Variants in MAML3 observed in about 807,000 individuals in gnomAD.
MAML3 encodes mastermind-like protein 3.
In MAML3, 27 loss-of-function variants were observed where a neutral mutation model predicts 101.9. The ratio of observed to expected loss-of-function variants is 0.27; its 90% confidence interval spans 0.20 to 0.37. The LOEUF is 0.37. Among genes scored for constraint, MAML3 ranks in the 10% least tolerant of loss-of-function variants. The probability of loss-of-function intolerance (pLI) is 1.00; values close to 1 mark genes in which losing one functional copy is unlikely to be tolerated. For synonymous variants in MAML3, 501 were observed against 555.9 expected, an observed-to-expected ratio of 0.90 and a Z score of 1.39; for missense variants, 1,316 against 1,444.9, an observed-to-expected ratio of 0.91 and a Z score of 1.45.
Position 140,007,447 on chromosome 4 carries a change from T to A in MAML3, c.469-116480A>T, listed in dbSNP as rs147885538. Reference sequence around the variant, plus strand: ...AGTAGCTAAAATAATAATAAGGGAATGGAAGATGAGGCGAAAGGAGACGTT... The same window carrying A: ...AGTAGCTAAAATAATAATAAGGGAAAGGAAGATGAGGCGAAAGGAGACGTT... On this transcript the variant is annotated intron_variant, in intron 1 of 4. Transcript: ENST00000509479. Among the ~76,000 whole-genome samples the A allele has an allele frequency of 8.3e-4, 126 of 152,266 alleles. No individual in the cohort carries two copies. In the Middle Eastern group the frequency reaches 0.017, roughly 21 times the overall value.
intron 2 of MAML3, among the ~76,000 whole-genome samples, chr4:139,733,569 A>C (rs565604089): frequency 2.6e-5 from 4 of 152,180 alleles, no homozygotes; most frequent in South Asian, 4.2e-4. Flanking sequence ...AAAAAAAAAA[A>C]AAAAAACCCT....
At chr4:140,127,356 G>A (rs1463492337) in intron 1 of MAML3, among the ~76,000 whole-genome samples, 1 of 152,204 alleles carries the variant, frequency 6.6e-6, no homozygotes, top group Non-Finnish European at 1.5e-5. Context: ...TGGCTCCTAA[G>A]CGGTGCCATG....
chr4:139,796,418 T>C (rs1730511328), intron 2 of MAML3, among the ~76,000 whole-genome samples: 2 of 152,180 alleles, frequency 1.3e-5, no homozygotes, highest in African/African-American at 4.8e-5. Flanking sequence ...ATGACAGCAG[T>C]AGATTCTGAA....
intron 1 of MAML3, among the ~76,000 whole-genome samples, chr4:139,936,588 T>G (rs1046607436): frequency 4.6e-5 from 7 of 152,202 alleles, no homozygotes; most frequent in African/African-American, 1.4e-4. Context: ...TTCCACCTAC[T>G]TGGAAGGCCG....
At chr4:139,902,263 GCA>G (rs1285715593) in intron 1 of MAML3, among the ~76,000 whole-genome samples, 1 of 63,946 alleles carries the variant, frequency 1.6e-5, no homozygotes, top group East Asian at 3.8e-4. Flanking sequence ...GCACACACAC[GCA>G]CACACACACG....
intron 1 of MAML3, among the ~76,000 whole-genome samples, chr4:140,136,670 A>G (rs1370524700): frequency 6.6e-6 from 1 of 152,206 alleles, no homozygotes; most frequent in East Asian, 1.9e-4. Flanking sequence ...AAGGATCCCC[A>G]AATTGGGAGA....
intron 2 of MAML3, among the ~76,000 whole-genome samples, chr4:139,751,925 G>T (rs1042835431): frequency 6.6e-6 from 1 of 152,152 alleles, no homozygotes; most frequent in African/African-American, 2.4e-5. Flanking sequence ...TCAAAGCAGA[G>T]ACCTCCAAGG....
In MAML3 at chr4:139,725,767, C is replaced by G. The variant is rs750100990; in HGVS notation, c.2400G>C (p.Gln800His). 4 of 1,613,974 alleles carry G rather than the reference C, an allele frequency of 2.5e-6. No individual in the cohort carries two copies. In the South Asian group the frequency reaches 4.4e-5, roughly 18 times the overall value. Residue 800 changes from glutamine (Q) to histidine (H), a missense_variant, in exon 4 of 5, where the codon CAG becomes CAC. Transcript: ENST00000509479. ...QPQRNPYPVQ[Q>H]VNQFQGSPQD... ...TGGCCTCACCTTGAAACTGATTGAC[C>G]TGCTGCACTGGGTATGGATTCCGCT...
chr4:139,789,541 G>A (rs777347511), intron 2 of MAML3, among the ~76,000 whole-genome samples: 3 of 152,196 alleles, frequency 2.0e-5, no homozygotes, highest in African/African-American at 4.8e-5. Context: ...GACTAGGCAC[G>A]GGTGGATGTG....
intron 2 of MAML3, among the ~76,000 whole-genome samples, chr4:139,829,169 C>A (rs531342670): frequency 9.2e-6 from 1 of 109,122 alleles, no homozygotes; most frequent in African/African-American, 3.7e-5. Flanking sequence ...GAAGGAAGCA[C>A]GGAAGGAAGT....
chr4:140,066,892 T>A (rs980696403), intron 1 of MAML3, among the ~76,000 whole-genome samples: 1 of 152,188 alleles, frequency 6.6e-6, no homozygotes, highest in Non-Finnish European at 1.5e-5. Context: ...GAACTGCAAA[T>A]CTTTTAGTGC....
chr4:139,734,778 G>A (rs1388181787), intron 2 of MAML3, among the ~76,000 whole-genome samples: 3 of 152,270 alleles, frequency 2.0e-5, no homozygotes, highest in Non-Finnish European at 4.4e-5. Flanking sequence ...AACATGCATA[G>A]TGTTTGGGTG....
At chr4:140,045,098 T>TA in intron 1 of MAML3, among the ~76,000 whole-genome samples, 1 of 152,262 alleles carries the variant, frequency 6.6e-6, no homozygotes, top group African/African-American at 2.4e-5. Flanking sequence ...AATGTATTTT[T>TA]AAAAAACAGA....
At chr4:139,922,758 C>G (rs1290320813) in intron 1 of MAML3, among the ~76,000 whole-genome samples, 3 of 152,124 alleles carry the variant, frequency 2.0e-5, no homozygotes, top group Admixed American at 1.3e-4. Flanking sequence ...GAAATGCTAC[C>G]CACAATGCTC....
intron 2 of MAML3, among the ~76,000 whole-genome samples, chr4:139,888,868 T>C (rs1215654724): frequency 1.3e-5 from 2 of 152,220 alleles, no homozygotes; most frequent in East Asian, 1.9e-4. Context: ...AAAGCTCTCC[T>C]ATATTTGAAT....
chr4:139,915,530 C>T (rs1456339995), intron 1 of MAML3, among the ~76,000 whole-genome samples: 1 of 152,202 alleles, frequency 6.6e-6, no homozygotes, highest in Non-Finnish European at 1.5e-5. Flanking sequence ...GCTCTTAGTA[C>T]TGTTTAACCA....
intron 2 of MAML3, among the ~76,000 whole-genome samples, chr4:139,771,388 G>C (rs1487890838): frequency 6.6e-6 from 1 of 152,132 alleles, no homozygotes; most frequent in Non-Finnish European, 1.5e-5. Context: ...CACCTTAAAT[G>C]ACTCAATGCA....
chr4:139,776,149 A>G (rs1161628551), intron 2 of MAML3, among the ~76,000 whole-genome samples: 4 of 152,204 alleles, frequency 2.6e-5, no homozygotes, highest in Non-Finnish European at 5.9e-5. Flanking sequence ...AAAAATGATT[A>G]TTTTGTAAAT....
intron 2 of MAML3, among the ~76,000 whole-genome samples, chr4:139,762,938 A>C (rs1156500759): frequency 6.6e-6 from 1 of 152,076 alleles, no homozygotes; most frequent in Non-Finnish European, 1.5e-5. Context: ...CTATGTGCCA[A>C]AGTTAGGCTT....
Sources: gnomAD v4.1 joint callset for allele counts (sites outside exome capture counted in the v4.1 genomes callset) on GRCh38, gnomAD v4.1.1 for gene constraint, MANE v1.5 for transcripts, NCBI Gene and HGNC (gene_info 2026-07-23, HGNC 2026-07-21) for gene names.